SLC12A2: variants seen among roughly 807,000 people sequenced by gnomAD.
SLC12A2 encodes solute carrier family 12 member 2.
In SLC12A2, 67 loss-of-function variants were observed where a neutral mutation model predicts 136.3. That is an observed-to-expected ratio of 0.49 (90% CI 0.40 to 0.60). SLC12A2 has a LOEUF of 0.60. Among genes scored for constraint, SLC12A2 ranks in the 20% least tolerant of loss-of-function variants. The pLI, the probability that SLC12A2 is intolerant of heterozygous loss-of-function variation, is 0.00. For missense variants in SLC12A2, 1,322 were observed against 1,534.7 expected, an observed-to-expected ratio of 0.86 and a Z score of 2.32; for synonymous variants, 619 against 562.9, an observed-to-expected ratio of 1.10 and a Z score of -1.41.
intron 9 of SLC12A2, among the ~76,000 whole-genome samples, chr5:128,141,129 T>C (rs1277356463): frequency 1.3e-5 from 2 of 152,194 alleles, no homozygotes; most frequent in Non-Finnish European, 2.9e-5. Context: ...TAAAATATTT[T>C]ATTATGGAAG....
At position 128,148,667 on chromosome 5, in the gene SLC12A2, T is replaced by C. The variant is rs1388773332; in HGVS notation, c.1882-87T>C. On this transcript the variant is annotated intron_variant, in intron 11 of 26. Coordinates refer to ENST00000262461, the MANE Select transcript of SLC12A2 (RefSeq NM_001046.3). Reference sequence around the variant, plus strand: ...GATGACCAAGAATTAGAAACTTGAATCTCATTCCTGATTAACCTATTAGAA... The same window carrying C: ...GATGACCAAGAATTAGAAACTTGAACCTCATTCCTGATTAACCTATTAGAA... 5 of 1,110,424 alleles carry C rather than the reference T, an allele frequency of 4.5e-6. No homozygotes were observed. In the African/African-American group the frequency reaches 6.3e-5, roughly 14 times the overall value. 68.8% of individuals were successfully genotyped at this position (1,110,424 alleles called of 1,614,324 possible). A position where few individuals can be genotyped will look rare whatever the true frequency, so the allele number is the denominator to read the frequency against.
intron 4 of SLC12A2, among the ~76,000 whole-genome samples, chr5:128,115,474 G>A (rs982063432): frequency 6.6e-6 from 1 of 152,136 alleles, no homozygotes; most frequent in Non-Finnish European, 1.5e-5. Flanking sequence ...TGGGCACTAT[G>A]AGGCCTCTCA....
intron 6 of SLC12A2, 24 bp from the exon 7 acceptor site, chr5:128,135,676 A>C (rs767193375): frequency 1.4e-6 from 2 of 1,396,842 alleles, no homozygotes; most frequent in Non-Finnish European, 2.0e-6. Flanking sequence ...ACTTGATTTT[A>C]ATTTTTAATG....
rs1382201344 is a variant in SLC12A2, at chr5:128,188,658, T to C, written c.*2027T>C. 1.3e-5 allele frequency: 2 copies of C among 151,730 alleles called. No homozygotes were observed. Among genetic ancestry groups the C allele is most frequent in the Admixed American group, 6.6e-5 (1 of 15,218 alleles). 9.4% of individuals were successfully genotyped at this position (151,730 alleles called of 1,614,324 possible). The stretch of plus-strand genomic sequence containing the variant: ...TTTCAGTGGTGTGCAGCATTTTTGC[T>C]TCATGAGTATGACCTAGGTATAGAG... On this transcript the variant is annotated 3_prime_UTR_variant, in exon 27 of 27. Transcript: ENST00000262461.
At chr5:128,176,360 A>G (rs1446222630) in intron 20 of SLC12A2, among the ~76,000 whole-genome samples, 4 of 152,022 alleles carry the variant, frequency 2.6e-5, no homozygotes, top group African/African-American at 9.6e-5. Context: ...GCCTAACTCC[A>G]GAGCCCACTG....
intron 26 of SLC12A2, among the ~76,000 whole-genome samples, chr5:128,185,454 G>A (rs150758087): frequency 7.0e-4 from 106 of 151,934 alleles, no homozygotes; most frequent in Non-Finnish European, 1.3e-3. Flanking sequence ...GAAAGCTCAG[G>A]CCTCTCCCCC....
At chr5:128,087,104 A>T (rs943770301) in intron 1 of SLC12A2, among the ~76,000 whole-genome samples, 1 of 152,244 alleles carries the variant, frequency 6.6e-6, no homozygotes, top group Admixed American at 6.5e-5. Context: ...CTCCAGTTGA[A>T]TTCCTTTCAT....
At chr5:128,183,373 A>G (rs550283181) in intron 24 of SLC12A2, among the ~76,000 whole-genome samples, 135 of 152,168 alleles carry the variant, frequency 8.9e-4, no homozygotes, top group Non-Finnish European at 1.6e-3. Context: ...AGGTTGTTAT[A>G]ATGATATTTG....
chr5:128,103,054 T>G (rs1046110866), intron 1 of SLC12A2, among the ~76,000 whole-genome samples: 5 of 152,258 alleles, frequency 3.3e-5, no homozygotes, highest in African/African-American at 1.2e-4. Flanking sequence ...ATGAACGTTT[T>G]TATACGAGTA....
intron 5 of SLC12A2, among the ~76,000 whole-genome samples, chr5:128,133,551 A>G (rs944044976): frequency 2.0e-5 from 3 of 152,092 alleles, no homozygotes; most frequent in African/African-American, 4.8e-5. Context: ...CAACTAAATT[A>G]TGTTTTAGTT....
At position 128,084,305 on chromosome 5, in the gene SLC12A2, C is replaced by G; in HGVS notation, c.351C>G (p.Pro117=). ...AGAGAGAKQT[P]ADGEASGESE... ...CTGGGGCGGGGGCCAAGCAGACCCCCGCGGACGGGGAAGCCAGCGGCGAGA... is the reference window on the plus strand; with the variant it reads ...CTGGGGCGGGGGCCAAGCAGACCCCGGCGGACGGGGAAGCCAGCGGCGAGA... The change falls in exon 1 of 27, where the codon CCC becomes CCG. Residue 117 remains proline, a synonymous_variant. Coordinates refer to ENST00000262461, the MANE Select transcript of SLC12A2 (RefSeq NM_001046.3). The surrounding 1 kb of genome is among the most constrained non-coding windows in gnomAD (Gnocchi z 5.6). The G allele has an allele frequency of 1.3e-6, 2 of 1,517,424 alleles. No individual in the cohort carries two copies. The highest frequency in any genetic ancestry group is 1.3e-5 in the South Asian group (1 of 79,030). 94.0% of individuals were successfully genotyped at this position (1,517,424 alleles called of 1,614,324 possible). A position where few individuals can be genotyped will look rare whatever the true frequency, so the allele number is the denominator to read the frequency against.
intron 4 of SLC12A2, among the ~76,000 whole-genome samples, chr5:128,129,618 A>T (rs977872760): frequency 1.3e-5 from 2 of 152,154 alleles, no homozygotes; most frequent in African/African-American, 4.8e-5. Flanking sequence ...AGTTTGCATC[A>T]TTAGTACTTT....
At chr5:128,105,094 C>T (rs1354314409) in intron 1 of SLC12A2, among the ~76,000 whole-genome samples, 1 of 152,110 alleles carries the variant, frequency 6.6e-6, no homozygotes, top group East Asian at 1.9e-4. Context: ...AGAAAAATTT[C>T]CCTCTCCATT....
At chr5:128,119,584 T>TGAA (rs1761479380) in intron 4 of SLC12A2, among the ~76,000 whole-genome samples, 4 of 152,214 alleles carry the variant, frequency 2.6e-5, no homozygotes, top group Non-Finnish European at 5.9e-5. Flanking sequence ...GATCTATATC[T>TGAA]CTGTTTTGGT....
chr5:128,117,958 GA>G (rs1761411599), intron 4 of SLC12A2, among the ~76,000 whole-genome samples: 1 of 151,914 alleles, frequency 6.6e-6, no homozygotes, highest in Non-Finnish European at 1.5e-5. Flanking sequence ...AGAAACATAC[GA>G]AAAAATGCTC....
At chr5:128,126,971 T>TATATATATAA (rs1347112296) in intron 4 of SLC12A2, among the ~76,000 whole-genome samples, 8 of 123,002 alleles carry the variant, frequency 6.5e-5, no homozygotes, top group African/African-American at 3.1e-4. Context: ...TATATATTTT[T>TATATATATAA]TTTTTTTTTT....
chr5:128,118,534 A>AT (rs59995790), intron 4 of SLC12A2, among the ~76,000 whole-genome samples: 3,003 of 152,264 alleles, frequency 0.02, 116 homozygotes, highest in African/African-American at 0.069. Flanking sequence ...ATGCAAAGGC[A>AT]TAAGAATGAT....
chr5:128,110,420 C>G, intron 1 of SLC12A2: 1 of 1,088,532 alleles, frequency 9.2e-7, no homozygotes, highest in Non-Finnish European at 1.4e-6. Context: ...GAGGGCAAGA[C>G]AGCCGCAAAG....
intron 25 of SLC12A2, 23 bp from the exon 26 acceptor site, chr5:128,184,766 A>G (rs1763817251): frequency 6.2e-7 from 1 of 1,611,666 alleles, no homozygotes; most frequent in Non-Finnish European, 8.5e-7. Context: ...TGGTCTAGGA[A>G]TGACTGTCCT....
Sources: gnomAD v4.1 joint callset for allele counts (sites outside exome capture counted in the v4.1 genomes callset) on GRCh38, gnomAD v4.1.1 for gene constraint, Gnocchi (gnomAD v3.1) non-coding constraint, MANE v1.5 for transcripts, NCBI Gene and HGNC (gene_info 2026-07-23, HGNC 2026-07-21) for gene names.